Variants in BBS4 observed in about 807,000 individuals in gnomAD.
BBS4 encodes the protein Bardet-Biedl syndrome 4, also known as BBSome complex member BBS4.
A neutral mutation model predicts 71.4 loss-of-function variants in BBS4; 58 were observed. That is an observed-to-expected ratio of 0.81 (90% CI 0.66 to 1.01). The LOEUF (loss-of-function observed/expected upper bound fraction) is 1.01, where lower values mean the gene tolerates loss of function less well. Among genes scored for constraint, BBS4 ranks in the 50% least tolerant of loss-of-function variants. The pLI, the probability that BBS4 is intolerant of heterozygous loss-of-function variation, is 0.00. For synonymous variants in BBS4, 228 were observed against 216.8 expected (o/e 1.05, Z -0.46); for missense variants, 660 against 607.9 (o/e 1.09, Z -0.90).
At chr15:72,690,385 C>A (rs1010135009) in intron 1 of BBS4, among the ~76,000 whole-genome samples, 4 of 152,022 alleles carry the variant, frequency 2.6e-5, no homozygotes, top group Non-Finnish European at 1.5e-5. Flanking sequence ...CTAATAGAAT[C>A]CTTTCCATCT....
intron 4 of BBS4, 77 bp from the exon 5 acceptor site, chr15:72,715,214 C>G: frequency 9.7e-7 from 1 of 1,030,998 alleles, no homozygotes; most frequent in Non-Finnish European, 1.5e-6. Flanking sequence ...TTTCTCTTCT[C>G]CAATTTTTCT....
At chr15:72,725,170 C>T (rs2065648315) in intron 8 of BBS4, among the ~76,000 whole-genome samples, 1 of 151,792 alleles carries the variant, frequency 6.6e-6, no homozygotes, top group African/African-American at 2.4e-5. Context: ...AAGCAATCTT[C>T]CTACCTCAGC....
chr15:72,686,958 G>T (rs757395697), intron 1 of BBS4: 4 of 227,396 alleles, frequency 1.8e-5, no homozygotes, highest in African/African-American at 9.2e-5. Flanking sequence ...TTCGAAAAAC[G>T]CCCTGGAAAA....
chr15:72,735,863 T>A lies in BBS4; in HGVS notation c.1145T>A (p.Leu382Gln). 6.2e-7 allele frequency: 1 copy of A among 1,614,170 alleles called. No individual in the cohort carries two copies. The highest frequency in any genetic ancestry group is 1.1e-5 in the South Asian group (1 of 91,082). ...PLVNLNYAVLLYNQGEKKNAL... is the reference protein window; with the variant it reads ...PLVNLNYAVLQYNQGEKKNAL... ...GTAAACCTGAACTATGCTGTGCTGC[T>A]GTACAACCAGGGCGAGAAGAAGAAC... The change falls in exon 14 of 16, where the codon CTG (leucine) becomes CAG (glutamine). Residue 382 changes from leucine (L) to glutamine (Q), a missense_variant. Coordinates refer to ENST00000268057, the MANE Select transcript of BBS4 (RefSeq NM_033028.5).
chr15:72,723,168 C>T (rs1477406347), intron 7 of BBS4, among the ~76,000 whole-genome samples: 1 of 152,032 alleles, frequency 6.6e-6, no homozygotes, highest in East Asian at 1.9e-4. Flanking sequence ...AAAAGTGGAC[C>T]CTTAAGTCTT....
chr15:72,709,679 T>C, intron 2 of BBS4, 21 bp from the exon 3 acceptor site: 1 of 1,564,292 alleles, frequency 6.4e-7, no homozygotes, highest in East Asian at 2.2e-5. Context: ...GTTGTTTGTT[T>C]TGTCAAAATA....
rs1319697261 is a variant in BBS4, at chr15:72,736,049, A to G, written c.1248+83A>G. 3.3e-6 allele frequency: 5 copies of G among 1,512,300 alleles called. No homozygotes were observed. The East Asian group carries it at 9.1e-5, about 28-fold the overall frequency. The allele number at this position is 1,512,300 out of a possible 1,614,324, so 93.7% of individuals were successfully genotyped here. On this transcript the variant is annotated intron_variant, in intron 14 of 15. Coordinates refer to ENST00000268057, the MANE Select transcript of BBS4 (RefSeq NM_033028.5). ...ATCAAGCCCAGATCATCCAAATCCA[A>G]GGTATTACACGTTCATGGCTGTTCT... is the stretch of plus-strand genomic sequence containing the variant.
intron 2 of BBS4, among the ~76,000 whole-genome samples, chr15:72,706,678 T>C (rs1455875658): frequency 6.6e-6 from 1 of 152,194 alleles, no homozygotes; most frequent in Non-Finnish European, 1.5e-5. Flanking sequence ...AAAATGTGTG[T>C]AGTCAGAAAA....
chr15:72,736,053 A>AAGCCGCCTAG (rs2065917335), intron 14 of BBS4, 87 bp downstream of exon 14: 3 of 1,483,410 alleles, frequency 2.0e-6, no homozygotes, highest in African/African-American at 2.8e-5. Flanking sequence ...AATCCAAGGT[A>AAGCCGCCTAG]TTACACGTTC....
At chr15:72,702,596 G>T (rs1237651142) in intron 2 of BBS4, among the ~76,000 whole-genome samples, 1 of 151,966 alleles carries the variant, frequency 6.6e-6, no homozygotes, top group Non-Finnish European at 1.5e-5. Flanking sequence ...AAACAAACTG[G>T]ATAGCAGCAA....
chr15:72,724,692 TA>T (rs746087337), intron 8 of BBS4, 37 bp downstream of exon 8: 1 of 1,611,426 alleles, frequency 6.2e-7, no homozygotes, highest in Non-Finnish European at 8.5e-7. Context: ...AGTGAGAAAC[TA>T]AAAAAATTGA....
chr15:72,702,940 T>G (rs1246645135), intron 2 of BBS4, among the ~76,000 whole-genome samples: 1 of 149,542 alleles, frequency 6.7e-6, no homozygotes, highest in Non-Finnish European at 1.5e-5. Context: ...CCCAAGTAGC[T>G]GGGACTACAG....
chr15:72,711,655 AAAT>A (rs1180259088), intron 3 of BBS4, among the ~76,000 whole-genome samples: 1 of 152,178 alleles, frequency 6.6e-6, no homozygotes, highest in South Asian at 2.1e-4. Flanking sequence ...AACCCTTTAG[AAAT>A]AAAAAAACCA....
chr15:72,686,459 T>C, intron 1 of BBS4: 1 of 1,531,602 alleles, frequency 6.5e-7, no homozygotes, highest in South Asian at 1.2e-5. Context: ...GGTCCTGTTC[T>C]AGGACTGTAG....
In BBS4 at chr15:72,735,147, CAA is replaced by C. The variant is rs2065896039; in HGVS notation, c.1072_1073del (p.Lys358GlufsTer11). On this transcript the variant is annotated frameshift_variant, in exon 13 of 16. Coordinates refer to ENST00000268057, the MANE Select transcript of BBS4 (RefSeq NM_033028.5). LOFTEE classifies it high-confidence loss of function. ...LTNLEDIENA[K>X]RAYAEAVHLD... ...CCAATCTGGAAGATATAGAAAATGC[CAA>C]GAGAGCCTACGCAGAAGCAGTCCAC... The C allele has an allele frequency of 8.7e-6, 14 of 1,613,680 alleles. No individual in the cohort carries two copies. The highest frequency in any genetic ancestry group is 1.1e-5 in the South Asian group (1 of 91,082).
rs1477370912 is a variant in BBS4, at chr15:72,736,799, A to C, written c.1286A>C (p.Gln429Pro). Residue 429 changes from glutamine to proline, a missense_variant, in exon 15 of 16, where the codon CAG becomes CCG. Physicochemically the swap from Gln to Pro is moderately conservative, Grantham distance 76 (BLOSUM62 -1). Coordinates refer to ENST00000268057, the MANE Select transcript of BBS4 (RefSeq NM_033028.5). ...EMAQKLGAAL[Q>P]VGEALVWTKP... The stretch of plus-strand genomic sequence containing the variant: ...GCTCAGAAGTTGGGAGCTGCTCTCC[A>C]GGTTGGGGAGGCACTGGTCTGGACC... 1 of 1,614,216 alleles carries C rather than the reference A, an allele frequency of 6.2e-7. No homozygotes were observed. The highest frequency in any genetic ancestry group is 1.1e-5 in the South Asian group (1 of 91,086).
At chr15:72,716,744 G>A in intron 5 of BBS4, 34 bp from the exon 6 acceptor site, 1 of 1,472,166 alleles carries the variant, frequency 6.8e-7, no homozygotes, top group Non-Finnish European at 9.5e-7. Context: ...TAAGAATTTT[G>A]AGGTAATAAT....
In BBS4 at chr15:72,737,479, T is replaced by C. The variant is rs1373220563; in HGVS notation, c.1452T>C (p.Gly484=). The change falls in exon 16 of 16, where the codon GGT becomes GGC. Residue 484 remains glycine (G), a splice_region_variant and synonymous_variant. Coordinates refer to ENST00000268057, the MANE Select transcript of BBS4 (RefSeq NM_033028.5). ...TTCAAGTTTTTATTTTGTTACTAGG[T>C]GCTGGAGGAACATCCCAGTTCACAA... ...SAAAYRTLPS[G]AGGTSQFTKP... is the part of the protein sequence containing the mutation. 6.2e-7 allele frequency: 1 copy of C among 1,610,654 alleles called. No homozygotes were observed. Among genetic ancestry groups the C allele is most frequent in the East Asian group, 2.2e-5 (1 of 44,890 alleles).
rs963809525 is a variant in BBS4, at chr15:72,738,205, G to A, written c.*618G>A. 1 of 451,856 alleles carries A rather than the reference G, an allele frequency of 2.2e-6. No homozygotes were observed. Among genetic ancestry groups the A allele is most frequent in the Non-Finnish European group, 4.4e-6 (1 of 226,028 alleles). 28.0% of individuals were successfully genotyped at this position (451,856 alleles called of 1,614,324 possible). ...CCCTCCCTGTATTTTGTTCTTGAGA[G>A]GGGTCAGTCTAGAAGCTAGATCCTA... On this transcript the variant is annotated 3_prime_UTR_variant, in exon 16 of 16. Coordinates refer to ENST00000268057, the MANE Select transcript of BBS4 (RefSeq NM_033028.5).
Sources: allele counts gnomAD v4.1 joint callset (sites outside exome capture counted in the v4.1 genomes callset), GRCh38; gene constraint gnomAD v4.1.1; transcripts MANE v1.5; gene names NCBI Gene and HGNC (gene_info 2026-07-23, HGNC 2026-07-21).